ZNF568: variants seen among roughly 807,000 people sequenced by gnomAD.
The protein encoded by ZNF568 is zinc finger protein 568.
In ZNF568, 11 loss-of-function variants were observed where a neutral mutation model predicts 18.1. The observed-to-expected ratio is 0.61, with a 90% confidence interval of 0.38 to 1.00. The LOEUF is 1.00. ZNF568 is among the 50% of genes least tolerant of loss of function. The pLI is 0.01. For missense variants in ZNF568, 639 were observed against 768.2 expected (o/e 0.83, Z 1.99); for synonymous variants, 213 against 246.6 (o/e 0.86, Z 1.28).
downstream of ZNF568, among the ~76,000 whole-genome samples, chr19:36,957,219 C>CT (rs56712509): frequency 8.0e-3 from 557 of 69,564 alleles, 17 homozygotes; most frequent in African/African-American, 0.025. Flanking sequence ...CCAGACTGTT[C>CT]TTTTTTTTTT....
intron 4 of ZNF568, among the ~76,000 whole-genome samples, chr19:36,929,022 A>G (rs1167458242): frequency 6.6e-6 from 1 of 152,200 alleles, no homozygotes; most frequent in African/African-American, 2.4e-5. Flanking sequence ...TTGAAAAATA[A>G]AAACATGCAG....
In ZNF568 at chr19:36,962,277, G is replaced by GTTATTTT. The variant is rs1555736279; in HGVS notation, c.359-12141_359-12140insATTTTTT. On this transcript the variant is annotated intron_variant, in intron 6 of 7. Coordinates refer to the ZNF568 transcript ENST00000427117. ...TTTTCATGATGGTAAGTGTTGCAGTGTTTTTTTTTTTTTTTTTTTTTTTGC... is the reference window on the plus strand; with the variant it reads ...TTTTCATGATGGTAAGTGTTGCAGTGTTATTTTTTTTTTTTTTTTTTTTTTTTTTTGC... Among the ~76,000 whole-genome samples, 23 of 45,280 alleles carry GTTATTTT rather than the reference G, an allele frequency of 5.1e-4. No homozygotes were observed. The East Asian group carries it at 5.4e-3, about 11-fold the overall frequency. The allele number at this position is 45,280 out of a possible 152,430, so 29.7% of individuals were successfully genotyped here.
intron 2 of ZNF568, among the ~76,000 whole-genome samples, chr19:36,989,492 T>C (rs1421003788): frequency 6.6e-6 from 1 of 152,158 alleles, no homozygotes; most frequent in East Asian, 1.9e-4. Context: ...CCAAGGCTGC[T>C]GTCTCTTAAG....
At chr19:36,972,163 A>T (rs188676029) in intron 6 of ZNF568, among the ~76,000 whole-genome samples, 2,083 of 152,152 alleles carry the variant, frequency 0.014, 23 homozygotes, top group African/African-American at 0.024. Context: ...TATTTATTTT[A>T]AAAAATTGGT....
downstream of ZNF568, among the ~76,000 whole-genome samples, chr19:36,954,750 G>A (rs1332687502): frequency 8.3e-6 from 1 of 120,324 alleles, no homozygotes; most frequent in Non-Finnish European, 1.7e-5. Context: ...TTTTTTTTTT[G>A]TATTTTTAAT....
chr19:36,996,987 T>C (rs562387395), exon 5 of ZNF568: 55 of 1,545,094 alleles, frequency 3.6e-5, no homozygotes, highest in Non-Finnish European at 3.6e-5. Flanking sequence ...GGAAGGCCTT[T>C]ACCCGTCCCT....
intron 6 of ZNF568, among the ~76,000 whole-genome samples, chr19:36,938,231 C>G (rs972046241): frequency 2.0e-5 from 3 of 151,992 alleles, no homozygotes; most frequent in Non-Finnish European, 4.4e-5. Context: ...CCAAGTTTTC[C>G]CATTGTTGCT....
At chr19:36,956,333 G>A (rs576472775), downstream of ZNF568, among the ~76,000 whole-genome samples, 6 of 152,332 alleles carry the variant, frequency 3.9e-5, no homozygotes, top group South Asian at 1.2e-3. Flanking sequence ...CCTTCAGGCA[G>A]CTTGGCCCAC....
At chr19:36,945,654 C>G (rs2146303642) in intron 6 of ZNF568, among the ~76,000 whole-genome samples, 1 of 151,922 alleles carries the variant, frequency 6.6e-6, no homozygotes, top group Admixed American at 6.6e-5. Flanking sequence ...GGATTAGCAC[C>G]TCATCCCCAT....
downstream of ZNF568, chr19:36,952,743 A>G (rs1174266397): frequency 1.4e-6 from 1 of 692,520 alleles, no homozygotes; most frequent in African/African-American, 2.0e-5. Context: ...GACAATATGA[A>G]TGTTTACTTG....
At chr19:36,960,788 T>C (rs2074143174) in intron 6 of ZNF568, among the ~76,000 whole-genome samples, 1 of 152,158 alleles carries the variant, frequency 6.6e-6, no homozygotes, top group African/African-American at 2.4e-5. Context: ...CTTTAGTGGT[T>C]ATTTGGGAAT....
chr19:36,929,738 A>G (rs1352026280), intron 4 of ZNF568, among the ~76,000 whole-genome samples: 1 of 151,452 alleles, frequency 6.6e-6, no homozygotes. Context: ...GTGTAGTCCC[A>G]GCTACTCAGG....
At chr19:36,938,950 T>C (rs1159579392) in intron 6 of ZNF568, among the ~76,000 whole-genome samples, 1 of 152,212 alleles carries the variant, frequency 6.6e-6, no homozygotes, top group East Asian at 1.9e-4. Context: ...CTCGTTTCTT[T>C]TGTGGTTATC....
chr19:36,946,409 A>G (rs2073965156), intron 6 of ZNF568, among the ~76,000 whole-genome samples: 1 of 151,938 alleles, frequency 6.6e-6, no homozygotes, highest in South Asian at 2.1e-4. Context: ...CTCTTAATTA[A>G]TATACTTATA....
chr19:36,991,803 G>T, exon 4 of ZNF568: 1 of 1,581,482 alleles, frequency 6.3e-7, no homozygotes, highest in Non-Finnish European at 8.5e-7. Context: ...AGAAGAAAGA[G>T]CCCTGGATGG....
At chr19:36,997,477 T>G, downstream of ZNF568, 1 of 1,588,392 alleles carries the variant, frequency 6.3e-7, no homozygotes, top group Non-Finnish European at 8.5e-7. Context: ...GTGTAAGGAA[T>G]GTGGGAAGGC....
At chr19:36,934,555 C>G (rs1427410303) in intron 4 of ZNF568, among the ~76,000 whole-genome samples, 1 of 152,144 alleles carries the variant, frequency 6.6e-6, no homozygotes, top group Admixed American at 6.5e-5. Context: ...CTCCTGGGCT[C>G]AAGCAATCCG....
chr19:36,935,381 GA>G (rs2073772368), intron 4 of ZNF568, among the ~76,000 whole-genome samples: 1 of 151,936 alleles, frequency 6.6e-6, no homozygotes, highest in Non-Finnish European at 1.5e-5. Flanking sequence ...CCAAGATGGT[GA>G]AACCCCATCT....
chr19:36,947,378 T>C (rs1359543546), intron 6 of ZNF568, among the ~76,000 whole-genome samples: 1 of 152,130 alleles, frequency 6.6e-6, no homozygotes, highest in Non-Finnish European at 1.5e-5. Flanking sequence ...AATCTTTTTA[T>C]CTCCTATGTG....
Sources: allele counts gnomAD v4.1 joint callset (sites outside exome capture counted in the v4.1 genomes callset), GRCh38; gene constraint gnomAD v4.1.1; transcripts MANE v1.5; gene names NCBI Gene and HGNC (gene_info 2026-07-23, HGNC 2026-07-21).